DENND1A: variants seen among roughly 807,000 people sequenced by gnomAD.
The protein encoded by DENND1A is DENN domain-containing protein 1A.
A neutral mutation model predicts 113.7 loss-of-function variants in DENND1A; 51 were observed. The ratio of observed to expected loss-of-function variants is 0.45; its 90% confidence interval spans 0.36 to 0.57. The LOEUF (loss-of-function observed/expected upper bound fraction) is 0.57, where lower values mean the gene tolerates loss of function less well. Ranked by LOEUF, DENND1A falls within the 20% of genes least tolerant of loss-of-function variation. The pLI, the probability that DENND1A is intolerant of heterozygous loss-of-function variation, is 0.00. For synonymous variants in DENND1A, 565 were observed against 570.8 expected (o/e 0.99, Z 0.14); for missense variants, 1,258 against 1,395.9 (o/e 0.90, Z 1.57).
At chr9:123,549,940 AAC>A (rs1014685433) in intron 13 of DENND1A, among the ~76,000 whole-genome samples, 1 of 152,210 alleles carries the variant, frequency 6.6e-6, no homozygotes, top group African/African-American at 2.4e-5. Flanking sequence ...CAAATCCGAA[AAC>A]AGTTTTTATT....
intron 12 of DENND1A, among the ~76,000 whole-genome samples, chr9:123,566,236 T>C (rs1368579782): frequency 1.3e-5 from 2 of 152,244 alleles, no homozygotes; most frequent in African/African-American, 2.4e-5. Flanking sequence ...ATCTCCATTA[T>C]TGTTTCCTCT....
intron 20 of DENND1A, among the ~76,000 whole-genome samples, chr9:123,409,902 T>C (rs1467804680): frequency 1.3e-5 from 2 of 152,036 alleles, no homozygotes; most frequent in Non-Finnish European, 2.9e-5. Context: ...CCATTCTGGC[T>C]AACACAGTGA....
chr9:123,621,947 T>A (rs1224480893), intron 10 of DENND1A, among the ~76,000 whole-genome samples: 1 of 152,172 alleles, frequency 6.6e-6, no homozygotes, highest in Non-Finnish European at 1.5e-5. Context: ...ATGCACCATG[T>A]GGGGGCTGAT....
At chr9:123,429,856 T>C (rs1402881077) in intron 19 of DENND1A, among the ~76,000 whole-genome samples, 1 of 152,114 alleles carries the variant, frequency 6.6e-6, no homozygotes, top group Non-Finnish European at 1.5e-5. Context: ...TGGGATCTAA[T>C]TAAATTAAAG....
At chr9:123,825,205 T>TA (rs1451672712) in intron 2 of DENND1A, among the ~76,000 whole-genome samples, 1 of 152,040 alleles carries the variant, frequency 6.6e-6, no homozygotes, top group East Asian at 1.9e-4. Flanking sequence ...CTAGATTTTT[T>TA]ATATAATACT....
chr9:123,561,197 T>C (rs2057733512), intron 12 of DENND1A, among the ~76,000 whole-genome samples: 1 of 152,200 alleles, frequency 6.6e-6, no homozygotes, highest in Non-Finnish European at 1.5e-5. Flanking sequence ...TCTCTTTCAT[T>C]CGGGAGGTGT....
intron 10 of DENND1A, among the ~76,000 whole-genome samples, chr9:123,612,628 T>C (rs1043740172): frequency 7.9e-5 from 12 of 152,240 alleles, no homozygotes; most frequent in Non-Finnish European, 1.8e-4. Flanking sequence ...CAAATATGGA[T>C]GTATCATAAT....
At chr9:123,465,505 A>G (rs570926570) in intron 13 of DENND1A, among the ~76,000 whole-genome samples, 1 of 152,266 alleles carries the variant, frequency 6.6e-6, no homozygotes, top group South Asian at 2.1e-4. Context: ...CTCGTCTGTG[A>G]CAATTATACA....
intron 13 of DENND1A, among the ~76,000 whole-genome samples, chr9:123,488,226 A>G (rs75132015): frequency 1.3e-5 from 2 of 152,216 alleles, no homozygotes; most frequent in African/African-American, 4.8e-5. Flanking sequence ...TGCTTGTTCA[A>G]TTGTGAGACA....
intron 9 of DENND1A, among the ~76,000 whole-genome samples, chr9:123,631,131 CATAAGT>C (rs1330329121): frequency 6.6e-6 from 1 of 152,104 alleles, no homozygotes; most frequent in Non-Finnish European, 1.5e-5. Flanking sequence ...ATACATATCT[CATAAGT>C]ATGTTAGTAT....
At chr9:123,796,754 CAT>C (rs1206315694) in intron 2 of DENND1A, among the ~76,000 whole-genome samples, 2 of 135,446 alleles carry the variant, frequency 1.5e-5, no homozygotes, top group Non-Finnish European at 3.0e-5. Context: ...CCTATGTGTA[CAT>C]ACACACACAC....
At chr9:123,391,600 TCTTTTA>T (rs1375753423) in intron 21 of DENND1A, among the ~76,000 whole-genome samples, 20 of 152,216 alleles carry the variant, frequency 1.3e-4, no homozygotes, top group African/African-American at 4.3e-4. Context: ...GGGTGTTTCC[TCTTTTA>T]CTTTTAATGA....
At chr9:123,703,862 C>T (rs550460745) in intron 5 of DENND1A, among the ~76,000 whole-genome samples, 6 of 152,114 alleles carry the variant, frequency 3.9e-5, no homozygotes, top group South Asian at 4.2e-4. Context: ...GTGACAGAAA[C>T]GTTCTGTATC....
intron 2 of DENND1A, among the ~76,000 whole-genome samples, chr9:123,828,644 A>AG (rs1183480680): frequency 2.0e-5 from 3 of 151,824 alleles, no homozygotes; most frequent in Non-Finnish European, 4.4e-5. Flanking sequence ...GTAGCCAAAA[A>AG]AAAAAAAGAA....
At chr9:123,821,321 T>TA (rs906991921) in intron 2 of DENND1A, among the ~76,000 whole-genome samples, 1 of 152,180 alleles carries the variant, frequency 6.6e-6, no homozygotes, top group Admixed American at 6.5e-5. Flanking sequence ...ATATATCTCT[T>TA]ACATTTTTTA....
chr9:123,921,478 T>C (rs902784344), intron 1 of DENND1A, among the ~76,000 whole-genome samples: 2 of 151,932 alleles, frequency 1.3e-5, no homozygotes, highest in African/African-American at 2.4e-5. Flanking sequence ...TCTAGATTGG[T>C]TTCCTTCCTT....
chr9:123,773,211 T>C (rs568159730), intron 3 of DENND1A, among the ~76,000 whole-genome samples: 1 of 152,272 alleles, frequency 6.6e-6, no homozygotes, highest in African/African-American at 2.4e-5. Context: ...GCAGATTGCA[T>C]AGTGTAATAG....
chr9:123,448,052 G>T (rs997730025), intron 18 of DENND1A, among the ~76,000 whole-genome samples: 1 of 152,214 alleles, frequency 6.6e-6, no homozygotes, highest in African/African-American at 2.4e-5. Flanking sequence ...TCAACAGTCC[G>T]ATGGTGACAA....
intron 4 of DENND1A, among the ~76,000 whole-genome samples, chr9:123,766,520 A>G (rs1039835492): frequency 6.6e-6 from 1 of 152,212 alleles, no homozygotes; most frequent in Admixed American, 6.5e-5. Context: ...TTTGACTAGA[A>G]TCGATAAGGA....
Sources: allele counts gnomAD v4.1 joint callset (sites outside exome capture counted in the v4.1 genomes callset), GRCh38; gene constraint gnomAD v4.1.1; transcripts MANE v1.5; gene names NCBI Gene and HGNC (gene_info 2026-07-23, HGNC 2026-07-21).